PECR: variants seen among roughly 807,000 people sequenced by gnomAD.
PECR encodes the protein peroxisomal trans-2-enoyl-CoA reductase.
A neutral mutation model predicts 35.3 loss-of-function variants in PECR; 30 were observed. The observed-to-expected ratio is 0.85, with a 90% CI of 0.64 to 1.15. The LOEUF (loss-of-function observed/expected upper bound fraction) is 1.15. Ranked by LOEUF, PECR falls within the 50% of genes most tolerant of loss-of-function variation. The probability of loss-of-function intolerance (pLI) is 0.00; values close to 1 mark genes in which losing one functional copy is unlikely to be tolerated. For synonymous variants in PECR, 148 were observed against 138.9 expected, an observed-to-expected ratio of 1.07 and a Z score of -0.46; for missense variants, 392 against 370.8, an observed-to-expected ratio of 1.06 and a Z score of -0.47.
At chr2:216,054,887 C>T (rs1031919223) in intron 4 of PECR, among the ~76,000 whole-genome samples, 102 of 151,422 alleles carry the variant, frequency 6.7e-4, no homozygotes, top group Non-Finnish European at 1.2e-3. Flanking sequence ...CCGAGGCAGG[C>T]GGATCACAAG....
At chr2:216,046,427 CA>C (rs1269484552) in intron 6 of PECR, among the ~76,000 whole-genome samples, 1 of 150,324 alleles carries the variant, frequency 6.7e-6, no homozygotes, top group Non-Finnish European at 1.5e-5. Flanking sequence ...TGTCCTGCTT[CA>C]GCCTCCCAGG....
At chr2:216,076,418 A>G (rs753571798) in intron 1 of PECR, among the ~76,000 whole-genome samples, 14 of 152,184 alleles carry the variant, frequency 9.2e-5, no homozygotes, top group African/African-American at 3.1e-4. Context: ...TAGTCTTGAG[A>G]AGTGAAAAAA....
rs1025271104 is a variant in PECR at position 216,059,106 on chromosome 2, C to T, written c.425-130G>A. 2.6e-5 allele frequency: 18 copies of T among 697,892 alleles called. No homozygotes were observed. The African/African-American group carries it at 3.2e-4, about 12-fold the overall frequency. 43.2% of individuals were successfully genotyped at this position (697,892 alleles called of 1,614,324 possible). Reference sequence around the variant, plus strand: ...TTACATTTCCTTATAAAAAGCCTGACTGAGGTAAAATTTATACATCATAAA... The same window carrying T: ...TTACATTTCCTTATAAAAAGCCTGATTGAGGTAAAATTTATACATCATAAA... On this transcript the variant is annotated intron_variant, in intron 3 of 7. Coordinates refer to ENST00000265322, the MANE Select transcript of PECR (RefSeq NM_018441.6).
intron 1 of PECR, among the ~76,000 whole-genome samples, chr2:216,069,087 GTTAGC>G (rs1351032218): frequency 6.6e-6 from 1 of 152,144 alleles, no homozygotes; most frequent in Non-Finnish European, 1.5e-5. Context: ...TCTGATTTCA[GTTAGC>G]TTAGCTTAAA....
At chr2:216,030,952 TCTCTCACACACA>T (rs1229322917) in intron 7 of PECR, among the ~76,000 whole-genome samples, 3 of 106,984 alleles carry the variant, frequency 2.8e-5, no homozygotes, top group African/African-American at 1.2e-4. Context: ...TCTCTCTCTC[TCTCTCACACACA>T]CACACACACA....
intron 7 of PECR, among the ~76,000 whole-genome samples, chr2:216,029,151 G>C (rs986092674): frequency 1.8e-4 from 27 of 152,142 alleles, no homozygotes; most frequent in African/African-American, 6.0e-4. Flanking sequence ...TAAAATAAAA[G>C]GATGAAAGCA....
At chr2:216,069,502 G>T (rs749926110) in intron 1 of PECR, among the ~76,000 whole-genome samples, 3 of 152,170 alleles carry the variant, frequency 2.0e-5, no homozygotes, top group African/African-American at 7.2e-5. Context: ...AGGGGAATGC[G>T]TGACACTGCT....
At position 216,049,290 on chromosome 2, in the gene PECR, G is replaced by T. The variant is rs370208022; in HGVS notation, c.687C>A (p.Pro229=). ...CCTCAGGAACACCAATTCGTTTAGC[G>T]GGGATTTTCTGAAAAGACCCTTCAA... ...SFFEGSFQKI[P]AKRIGVPEEV... is the part of the protein sequence containing the mutation. Residue 229 remains proline (P), a synonymous_variant, in exon 6 of 8, where the codon CCC becomes CCA. Transcript: ENST00000265322. 8 of 1,581,330 alleles carry T rather than the reference G, an allele frequency of 5.1e-6. No individual in the cohort carries two copies. In the East Asian group the frequency reaches 1.8e-4, roughly 35 times the overall value.
chr2:216,079,275 GA>G (rs1180952956), intron 1 of PECR, among the ~76,000 whole-genome samples: 2 of 149,732 alleles, frequency 1.3e-5, no homozygotes, highest in African/African-American at 4.9e-5. Context: ...TTTAAAAGAC[GA>G]AGACAATTTT....
intron 4 of PECR, among the ~76,000 whole-genome samples, chr2:216,051,885 C>T (rs1261902269): frequency 6.6e-6 from 1 of 152,146 alleles, no homozygotes; most frequent in African/African-American, 2.4e-5. Context: ...TTTTTAACAT[C>T]GATTTTAAAT....
At chr2:216,037,952 G>A (rs4674049), downstream of PECR, among the ~76,000 whole-genome samples, 27,894 of 151,972 alleles carry the variant, frequency 0.18, 3,039 homozygotes, top group Non-Finnish European at 0.25. Flanking sequence ...GGGCGTGGTG[G>A]TGCACACCTG....
At chr2:216,061,311 CAAAAAAAAAAAAAAAAAAAA>C (rs56791924) in intron 3 of PECR, among the ~76,000 whole-genome samples, 2 of 44,932 alleles carry the variant, frequency 4.5e-5, no homozygotes, top group African/African-American at 1.9e-4. Flanking sequence ...AACCCTGTCT[CAAAAAAAAAAAAAAAAAAAA>C]AAAAAAAAAA....
In PECR at chr2:216,052,101, G is replaced by A. The variant is rs142602749; in HGVS notation, c.507-556C>T. ...TTCAGGAGGCTGAGGCAGGAGAATC[G>A]CTTGACCCTGGGAGATGGAGTTTGC... is the stretch of plus-strand genomic sequence containing the variant. On this transcript the variant is annotated intron_variant, in intron 4 of 7. Transcript: ENST00000265322. 5.3e-3 allele frequency among the ~76,000 whole-genome samples: 814 copies of A among 152,206 alleles called. 10 individuals carry two copies. Among genetic ancestry groups the A allele is most frequent in the African/African-American group, 0.018 (768 of 41,532 alleles).
chr2:216,050,442 T>C (rs892639890), intron 5 of PECR, among the ~76,000 whole-genome samples: 1 of 152,192 alleles, frequency 6.6e-6, no homozygotes, highest in African/African-American at 2.4e-5. Context: ...TCTAGAAGTA[T>C]TAAAATTTGA....
chr2:216,043,016 T>C lies in PECR; in HGVS notation c.826+888A>G, dbSNP rs1023835907. On this transcript the variant is annotated intron_variant, in intron 7 of 7. Coordinates refer to ENST00000265322, the MANE Select transcript of PECR (RefSeq NM_018441.6). ...ACATACGTATATGTGTATATATATATACACATACGTATATATGTATGTGTA... is the reference window on the plus strand; with the variant it reads ...ACATACGTATATGTGTATATATATACACACATACGTATATATGTATGTGTA... 7.1e-5 allele frequency among the ~76,000 whole-genome samples: 10 copies of C among 140,954 alleles called. 1 individual carries two copies. Among genetic ancestry groups the C allele is most frequent in the Middle Eastern group, 3.7e-3 (1 of 268 alleles). 92.5% of individuals were successfully genotyped at this position (140,954 alleles called of 152,430 possible). A position where few individuals can be genotyped will look rare whatever the true frequency, so the allele number is the denominator to read the frequency against.
At chr2:216,068,725 C>A (rs1574702042) in intron 1 of PECR, among the ~76,000 whole-genome samples, 2 of 151,748 alleles carry the variant, frequency 1.3e-5, no homozygotes, top group Admixed American at 6.6e-5. Flanking sequence ...GCAGCCTTGA[C>A]CTTCCAGGAT....
intron 1 of PECR, among the ~76,000 whole-genome samples, chr2:216,066,871 TAAAA>T (rs1168107018): frequency 2.0e-5 from 3 of 151,800 alleles, no homozygotes; most frequent in African/African-American, 7.3e-5. Context: ...TCCTATGTCT[TAAAA>T]AAAAGCTGAA....
At chr2:216,075,262 G>A (rs960034679) in intron 1 of PECR, among the ~76,000 whole-genome samples, 3 of 151,982 alleles carry the variant, frequency 2.0e-5, no homozygotes, top group African/African-American at 7.3e-5. Context: ...GCAAGATCCT[G>A]TCTCTAAAAA....
chr2:216,055,918 T>G (rs1695217012), intron 4 of PECR, among the ~76,000 whole-genome samples: 1 of 152,188 alleles, frequency 6.6e-6, no homozygotes, highest in Admixed American at 6.5e-5. Context: ...CTTTACACAG[T>G]AAATGTCTCA....
Sources: gnomAD v4.1 joint callset for allele counts (sites outside exome capture counted in the v4.1 genomes callset) on GRCh38, gnomAD v4.1.1 for gene constraint, MANE v1.5 for transcripts, NCBI Gene and HGNC (gene_info 2026-07-23, HGNC 2026-07-21) for gene names.